Variants in RALGPS1 observed in about 807,000 individuals in gnomAD.
RALGPS1 encodes Ral GEF with PH domain and SH3 binding motif 1.
In RALGPS1, 19 loss-of-function variants were observed where a neutral mutation model predicts 78.8. The observed-to-expected ratio is 0.24, with a 90% CI of 0.17 to 0.35. RALGPS1 has a LOEUF of 0.35. Ranked by LOEUF, RALGPS1 falls within the 10% of genes least tolerant of loss-of-function variation. RALGPS1 has a pLI of 1.00. For missense variants in RALGPS1, 454 were observed against 688.3 expected (o/e 0.66, Z 3.81); for synonymous variants, 228 against 256.3 (o/e 0.89, Z 1.06).
At chr9:126,990,041 T>C (rs1243629394) in intron 4 of RALGPS1, 1 of 1,545,508 alleles carries the variant, frequency 6.5e-7, no homozygotes, top group Non-Finnish European at 8.7e-7. Flanking sequence ...TTGCCTGCTC[T>C]GAAGAAGCGG....
chr9:127,085,583 A>G (rs2051627537), intron 8 of RALGPS1, among the ~76,000 whole-genome samples: 1 of 151,958 alleles, frequency 6.6e-6, no homozygotes, highest in South Asian at 2.1e-4. Flanking sequence ...CTCTCCTTCT[A>G]TATAGCCTGG....
intron 1 of RALGPS1, among the ~76,000 whole-genome samples, chr9:126,929,817 A>G (rs1588481288): frequency 6.6e-6 from 1 of 151,494 alleles, no homozygotes; most frequent in East Asian, 2.0e-4. Flanking sequence ...GTGGATAGAC[A>G]TTGAGGGGAA....
chr9:127,104,714 C>A (rs928050123), intron 8 of RALGPS1, among the ~76,000 whole-genome samples: 1 of 152,220 alleles, frequency 6.6e-6, no homozygotes, highest in Non-Finnish European at 1.5e-5. Flanking sequence ...CCATGGCTCC[C>A]TTAGTCCCCT....
At chr9:126,957,706 G>A (rs747155075) in intron 1 of RALGPS1, among the ~76,000 whole-genome samples, 15 of 152,110 alleles carry the variant, frequency 9.9e-5, no homozygotes, top group Non-Finnish European at 1.9e-4. Flanking sequence ...AAGTGTATGG[G>A]TTTTTCATGG....
chr9:127,023,249 C>T (rs1007377931), intron 4 of RALGPS1, among the ~76,000 whole-genome samples: 2 of 152,178 alleles, frequency 1.3e-5, no homozygotes, highest in African/African-American at 4.8e-5. Context: ...CAGGAAAGTC[C>T]AGTTGTCCTT....
intron 10 of RALGPS1, among the ~76,000 whole-genome samples, chr9:127,174,248 GAAAA>G (rs2059718579): frequency 7.0e-6 from 1 of 142,396 alleles, no homozygotes. Flanking sequence ...GAGAGAGAGA[GAAAA>G]GAAAGAAAGA....
intron 4 of RALGPS1, among the ~76,000 whole-genome samples, chr9:126,999,484 C>T (rs1044212686): frequency 6.6e-6 from 1 of 152,192 alleles, no homozygotes; most frequent in African/African-American, 2.4e-5. Context: ...ACCTATTCAT[C>T]TCTTCTTCTC....
chr9:126,941,501 C>T (rs2036787777), intron 1 of RALGPS1, among the ~76,000 whole-genome samples: 1 of 152,132 alleles, frequency 6.6e-6, no homozygotes, highest in African/African-American at 2.4e-5. Context: ...TGACCTGTCT[C>T]CCACCCTGCC....
intron 4 of RALGPS1, among the ~76,000 whole-genome samples, chr9:127,021,590 T>A (rs1185504740): frequency 6.7e-6 from 1 of 150,142 alleles, no homozygotes; most frequent in Admixed American, 6.7e-5. Flanking sequence ...ATGTATTAGG[T>A]CCCTAATTAA....
At chr9:127,201,933 G>T (rs958362040) in intron 14 of RALGPS1, among the ~76,000 whole-genome samples, 1 of 152,242 alleles carries the variant, frequency 6.6e-6, no homozygotes, top group Admixed American at 6.5e-5. Flanking sequence ...CAGAGGCCGT[G>T]GAGCCAGAGC....
intron 4 of RALGPS1, among the ~76,000 whole-genome samples, chr9:127,024,036 C>CA (rs61549879): frequency 1.4e-3 from 102 of 71,550 alleles, no homozygotes; most frequent in East Asian, 2.0e-3. Context: ...GACTCTGTCT[C>CA]AAAAAAAAAA....
intron 8 of RALGPS1, among the ~76,000 whole-genome samples, chr9:127,145,039 A>G (rs1329546751): frequency 6.6e-6 from 1 of 152,230 alleles, no homozygotes; most frequent in Non-Finnish European, 1.5e-5. Flanking sequence ...GGCAAAAATC[A>G]TGAAGGTGAT....
chr9:127,014,644 C>T (rs1263293012), intron 4 of RALGPS1, among the ~76,000 whole-genome samples: 1 of 152,102 alleles, frequency 6.6e-6, no homozygotes, highest in African/African-American at 2.4e-5. Flanking sequence ...TTGCAGTCTG[C>T]CTTGCTGCAT....
At position 127,220,121 on chromosome 9, in the gene RALGPS1, C is replaced by T. The variant is rs1425580921; in HGVS notation, c.*1352C>T. 1 of 152,548 alleles carries T rather than the reference C, an allele frequency of 6.6e-6. No homozygotes were observed. Among genetic ancestry groups the T allele is most frequent in the East Asian group, 1.9e-4 (1 of 5,200 alleles). 9.4% of individuals were successfully genotyped at this position (152,548 alleles called of 1,614,324 possible). A position where few individuals can be genotyped will look rare whatever the true frequency, so the allele number is the denominator to read the frequency against. On this transcript the variant is annotated 3_prime_UTR_variant, in exon 19 of 19. Coordinates refer to ENST00000259351, the MANE Select transcript of RALGPS1 (RefSeq NM_014636.3). ...ATCACTCTTTATCATAGTATCTTCTCTTCCCTCTTCCCCTTTAGTTTGGAT... is the reference window on the plus strand; with the variant it reads ...ATCACTCTTTATCATAGTATCTTCTTTTCCCTCTTCCCCTTTAGTTTGGAT...
At chr9:127,189,522 A>G (rs2060906090) in intron 11 of RALGPS1, among the ~76,000 whole-genome samples, 1 of 152,172 alleles carries the variant, frequency 6.6e-6, no homozygotes, top group South Asian at 2.1e-4. Flanking sequence ...CTGAGCTTCT[A>G]CTACTCTACT....
intron 8 of RALGPS1, among the ~76,000 whole-genome samples, chr9:127,117,988 C>T (rs2055614765): frequency 6.6e-6 from 1 of 152,320 alleles, no homozygotes; most frequent in Middle Eastern, 3.4e-3. Context: ...CCCAGACAGG[C>T]TGATTTCAGC....
At chr9:126,941,166 T>G (rs369820868) in intron 1 of RALGPS1, among the ~76,000 whole-genome samples, 4 of 149,386 alleles carry the variant, frequency 2.7e-5, no homozygotes, top group Non-Finnish European at 3.0e-5. Context: ...CGTCTAGTTG[T>G]GGGGGGGGGT....
chr9:127,140,658 A>C (rs1461627477), intron 8 of RALGPS1, among the ~76,000 whole-genome samples: 3 of 152,252 alleles, frequency 2.0e-5, no homozygotes, highest in Non-Finnish European at 4.4e-5. Flanking sequence ...GATTATAGGC[A>C]GTTATACTTC....
chr9:127,019,860 C>G (rs142180848), intron 4 of RALGPS1, among the ~76,000 whole-genome samples: 144 of 152,154 alleles, frequency 9.5e-4, no homozygotes, highest in Non-Finnish European at 1.7e-3. Flanking sequence ...TAGTGTTTCT[C>G]TCAATTGTAT....
Sources: gnomAD v4.1 joint callset for allele counts (sites outside exome capture counted in the v4.1 genomes callset) on GRCh38, gnomAD v4.1.1 for gene constraint, MANE v1.5 for transcripts, NCBI Gene and HGNC (gene_info 2026-07-23, HGNC 2026-07-21) for gene names.